GPC5: variants seen among roughly 807,000 people sequenced by gnomAD.
GPC5 encodes glypican 5.
A neutral mutation model predicts 53.9 loss-of-function variants in GPC5; 47 were observed. That is an observed-to-expected ratio of 0.87 (90% confidence interval 0.69 to 1.11). GPC5 has a LOEUF of 1.11. Among genes scored for constraint, GPC5 ranks in the 50% most tolerant of loss-of-function variants. The probability of loss-of-function intolerance (pLI) is 0.00; values close to 1 mark genes in which losing one functional copy is unlikely to be tolerated. For synonymous variants in GPC5, 286 were observed against 263.3 expected, an observed-to-expected ratio of 1.09 and a Z score of -0.84; for missense variants, 748 against 713.1, an observed-to-expected ratio of 1.05 and a Z score of -0.56.
chr13:91,485,213 C>CT (rs3052562), intron 2 of GPC5, among the ~76,000 whole-genome samples: 1,829 of 141,260 alleles, frequency 0.013, 38 homozygotes, highest in African/African-American at 0.037. Context: ...ATCTTGGTCC[C>CT]TTTTTTTTTT....
chr13:92,749,339 T>G (rs9556207), intron 7 of GPC5, among the ~76,000 whole-genome samples: 51,569 of 151,910 alleles, frequency 0.34, 10,179 homozygotes, highest in East Asian at 0.75. Flanking sequence ...TAATATAGGT[T>G]GAAGTTTGGT....
chr13:91,827,000 A>C (rs958028258), intron 5 of GPC5, among the ~76,000 whole-genome samples: 18 of 152,124 alleles, frequency 1.2e-4, no homozygotes, highest in African/African-American at 4.3e-4. Flanking sequence ...TAGACAAAGT[A>C]AGATCTAGTG....
chr13:91,736,424 A>G (rs2036816153), intron 4 of GPC5, among the ~76,000 whole-genome samples: 1 of 151,228 alleles, frequency 6.6e-6, no homozygotes, highest in Admixed American at 6.6e-5. Flanking sequence ...ATAATACTCA[A>G]TTTTTCCACA....
chr13:92,172,085 C>T (rs1018190920), intron 7 of GPC5, among the ~76,000 whole-genome samples: 8 of 152,130 alleles, frequency 5.3e-5, no homozygotes, highest in African/African-American at 1.9e-4. Flanking sequence ...GTATTGCCAG[C>T]TCTAAGAAGC....
intron 7 of GPC5, among the ~76,000 whole-genome samples, chr13:92,407,659 T>A (rs539324474): frequency 6.6e-6 from 1 of 152,172 alleles, no homozygotes; most frequent in African/African-American, 2.4e-5. Context: ...TATGTAGCTA[T>A]ACAAATTGGT....
chr13:91,668,780 C>A (rs547320222), intron 2 of GPC5, among the ~76,000 whole-genome samples: 2 of 151,796 alleles, frequency 1.3e-5, no homozygotes, highest in Non-Finnish European at 2.9e-5. Context: ...CCTTTAGCAC[C>A]CTGAGAATCC....
intron 1 of GPC5, among the ~76,000 whole-genome samples, chr13:91,442,651 G>T (rs1411298971): frequency 6.6e-6 from 1 of 152,132 alleles, no homozygotes; most frequent in Non-Finnish European, 1.5e-5. Context: ...ATGTTCCTTA[G>T]TGCTTTGTGT....
intron 7 of GPC5, among the ~76,000 whole-genome samples, chr13:92,245,070 TC>T (rs2042640658): frequency 1.3e-5 from 2 of 151,766 alleles, no homozygotes; most frequent in Non-Finnish European, 2.9e-5. Context: ...ACATTGTCCT[TC>T]TGGTTAAATG....
intron 2 of GPC5, among the ~76,000 whole-genome samples, chr13:91,520,645 C>CAT (rs371083601): frequency 3.3e-5 from 5 of 150,472 alleles, no homozygotes; most frequent in African/African-American, 1.2e-4. Context: ...AATCTATTTC[C>CAT]ATATATATAT....
intron 5 of GPC5, among the ~76,000 whole-genome samples, chr13:91,843,018 G>A (rs1537026): frequency 0.41 from 62,677 of 151,934 alleles, 13,481 homozygotes; most frequent in East Asian, 0.64. Flanking sequence ...GCATCTAAGT[G>A]TCTCCTTTTT....
At chr13:91,457,154 G>A (rs917110646) in intron 2 of GPC5, among the ~76,000 whole-genome samples, 2 of 151,770 alleles carry the variant, frequency 1.3e-5, no homozygotes. Flanking sequence ...TTTTGATAGG[G>A]CTTTTTTCAT....
intron 6 of GPC5, among the ~76,000 whole-genome samples, chr13:92,094,283 G>A (rs1417534032): frequency 4.6e-5 from 7 of 152,020 alleles, no homozygotes; most frequent in African/African-American, 1.4e-4. Context: ...TTGTGAGGCC[G>A]AGGTGGGTGG....
chr13:92,459,042 G>A (rs67790715), intron 7 of GPC5, among the ~76,000 whole-genome samples: 20,561 of 152,020 alleles, frequency 0.14, 1,521 homozygotes, highest in South Asian at 0.2. Flanking sequence ...TTACTCATGT[G>A]TACTCTAAAC....
intron 7 of GPC5, among the ~76,000 whole-genome samples, chr13:92,234,581 G>A (rs879639797): frequency 2.0e-5 from 3 of 151,828 alleles, no homozygotes; most frequent in Non-Finnish European, 4.4e-5. Context: ...TGGGCTGGGG[G>A]GCAATACATT....
At chr13:92,186,693 A>G (rs2042186109) in intron 7 of GPC5, among the ~76,000 whole-genome samples, 1 of 152,216 alleles carries the variant, frequency 6.6e-6, no homozygotes, top group African/African-American at 2.4e-5. Context: ...CTGCATCGTC[A>G]AGGATTGGTG....
intron 7 of GPC5, among the ~76,000 whole-genome samples, chr13:92,667,621 A>G (rs567075466): frequency 6.6e-6 from 1 of 152,216 alleles, no homozygotes; most frequent in Admixed American, 6.5e-5. Context: ...AAGTGTAGGG[A>G]AGATTGGAGA....
At position 92,778,964 on chromosome 13, in the gene GPC5, T is replaced by TACAC. The variant is rs745380152; in HGVS notation, c.1562-87317_1562-87316insCACA. Among the ~76,000 whole-genome samples the TACAC allele has an allele frequency of 2.7e-4, 38 of 140,542 alleles. No individual in the cohort carries two copies. In the South Asian group the frequency reaches 8.7e-3, roughly 32 times the overall value. 92.2% of individuals were successfully genotyped at this position (140,542 alleles called of 152,430 possible). On this transcript the variant is annotated intron_variant, in intron 7 of 7. Coordinates refer to ENST00000377067, the MANE Select transcript of GPC5 (RefSeq NM_004466.6). ...TGCTTGTGTATGAATATGTGCAAGATATACACACACACACACACACACACA... is the reference window on the plus strand; with the variant it reads ...TGCTTGTGTATGAATATGTGCAAGATACACATACACACACACACACACACACACA...
chr13:91,503,298 A>G (rs1884749418), intron 2 of GPC5, among the ~76,000 whole-genome samples: 1 of 152,142 alleles, frequency 6.6e-6, no homozygotes, highest in African/African-American at 2.4e-5. Flanking sequence ...ACCAACAAAA[A>G]TGACTCAAGG....
intron 7 of GPC5, among the ~76,000 whole-genome samples, chr13:92,492,512 G>T (rs1399031411): frequency 6.6e-6 from 1 of 151,324 alleles, no homozygotes; most frequent in African/African-American, 2.4e-5. Flanking sequence ...TAAAAAAAGA[G>T]AAAATACAGA....
Sources: allele counts gnomAD v4.1 joint callset (sites outside exome capture counted in the v4.1 genomes callset), GRCh38; gene constraint gnomAD v4.1.1; transcripts MANE v1.5; gene names NCBI Gene and HGNC (gene_info 2026-07-23, HGNC 2026-07-21).